Variants in FBXL4 observed in about 807,000 individuals in gnomAD.
The protein encoded by FBXL4 is F-box/LRR-repeat protein 4.
A neutral mutation model predicts 58.9 loss-of-function variants in FBXL4; 40 were observed. That is an observed-to-expected ratio of 0.68 (90% CI 0.53 to 0.88). The LOEUF is 0.88. Ranked by LOEUF, FBXL4 falls within the 40% of genes least tolerant of loss-of-function variation. The probability of loss-of-function intolerance (pLI) is 0.00; values close to 1 mark genes in which losing one functional copy is unlikely to be tolerated. For missense variants in FBXL4, 676 were observed against 734.4 expected (o/e 0.92, Z 0.92); for synonymous variants, 263 against 265.5 (o/e 0.99, Z 0.09).
chr6:98,900,458 A>C (rs1771564102), intron 6 of FBXL4, among the ~76,000 whole-genome samples: 1 of 152,206 alleles, frequency 6.6e-6, no homozygotes, highest in Non-Finnish European at 1.5e-5. Flanking sequence ...TGTGTAAATA[A>C]AAGAAAGTAA....
rs146999462 is a variant in FBXL4 at position 98,917,419 on chromosome 6, G to A, written c.813C>T (p.Leu271=). The change falls in exon 5 of 10, where the codon CTC becomes CTT. Residue 271 remains leucine, a synonymous_variant. Coordinates refer to ENST00000369244, the MANE Select transcript of FBXL4 (RefSeq NM_001278716.2). ...AATACCCATTATTTGGCCCTTCCCC[G>A]AGGACAGCACTGCTAAACTTTTTGT... ...SLNKKFSSAV[L]GEGPNNGYFD... The A allele has an allele frequency of 4.1e-5, 66 of 1,612,268 alleles. No homozygotes were observed. Among genetic ancestry groups the A allele is most frequent in the African/African-American group, 2.0e-4 (15 of 74,816 alleles).
intron 4 of FBXL4, 56 bp downstream of exon 4, chr6:98,926,421 T>A: frequency 6.7e-7 from 1 of 1,491,602 alleles, no homozygotes; most frequent in Non-Finnish European, 9.0e-7. Flanking sequence ...ATCTCCAATA[T>A]TAACAACCAA....
At chr6:98,897,205 G>C (rs1047908231) in intron 7 of FBXL4, 2 of 985,088 alleles carry the variant, frequency 2.0e-6, no homozygotes, top group African/African-American at 3.5e-5. Context: ...TTCGTTTATA[G>C]TACTTAGGCC....
At chr6:98,945,678 C>T (rs1352221874) in intron 1 of FBXL4, among the ~76,000 whole-genome samples, 2 of 152,026 alleles carry the variant, frequency 1.3e-5, no homozygotes, top group African/African-American at 4.8e-5. Context: ...GGATATCTTC[C>T]TCATATCCCA....
chr6:98,892,089 T>G (rs1282686667), intron 7 of FBXL4, among the ~76,000 whole-genome samples: 1 of 152,218 alleles, frequency 6.6e-6, no homozygotes, highest in African/African-American at 2.4e-5. Flanking sequence ...AAATATAGCC[T>G]AGAGACACAT....
intron 7 of FBXL4, chr6:98,898,860 G>T: frequency 2.0e-6 from 2 of 985,148 alleles, no homozygotes; most frequent in South Asian, 4.7e-5. Context: ...ATTAACTATG[G>T]TATTACAAAT....
intron 7 of FBXL4, among the ~76,000 whole-genome samples, chr6:98,885,488 G>A (rs551839708): frequency 6.6e-6 from 1 of 152,248 alleles, no homozygotes; most frequent in South Asian, 2.1e-4. Context: ...TACCTAATGT[G>A]GGTGGGCCTC....
chr6:98,896,797 T>C (rs1435092738), intron 7 of FBXL4: 1 of 974,070 alleles, frequency 1.0e-6, no homozygotes, highest in Non-Finnish European at 1.2e-6. Context: ...TTTAAGTAAC[T>C]GAGGGAAACC....
intron 8 of FBXL4, among the ~76,000 whole-genome samples, chr6:98,878,112 T>C (rs1306215381): frequency 6.6e-6 from 1 of 152,150 alleles, no homozygotes; most frequent in East Asian, 1.9e-4. Context: ...AAGTATGCCA[T>C]GAGGTGAATA....
intron 2 of FBXL4, among the ~76,000 whole-genome samples, chr6:98,932,242 C>T (rs1205095809): frequency 1.3e-5 from 2 of 152,030 alleles, no homozygotes; most frequent in Non-Finnish European, 2.9e-5. Flanking sequence ...TTGCTTAATC[C>T]AATCACTGAT....
At chr6:98,880,016 A>T (rs970803409) in intron 8 of FBXL4, among the ~76,000 whole-genome samples, 2 of 150,236 alleles carry the variant, frequency 1.3e-5, no homozygotes, top group African/African-American at 4.9e-5. Flanking sequence ...CTAGGCTTTT[A>T]TATTTCACAG....
At chr6:98,890,776 G>A (rs770717929) in intron 7 of FBXL4, among the ~76,000 whole-genome samples, 19 of 151,972 alleles carry the variant, frequency 1.3e-4, no homozygotes, top group Non-Finnish European at 1.8e-4. Context: ...AAAATCAGCC[G>A]GGCATGGTGG....
intron 7 of FBXL4, among the ~76,000 whole-genome samples, chr6:98,897,747 A>C (rs1771458150): frequency 6.6e-6 from 1 of 152,228 alleles, no homozygotes; most frequent in South Asian, 2.1e-4. Flanking sequence ...GGAGGCAGAC[A>C]GTACAAAGAG....
intron 4 of FBXL4, among the ~76,000 whole-genome samples, chr6:98,921,212 T>A (rs563112437): frequency 1.3e-5 from 2 of 152,220 alleles, no homozygotes; most frequent in South Asian, 4.2e-4. Flanking sequence ...AACCACTCTA[T>A]GACTGCTGAC....
At chr6:98,941,920 A>G (rs1487320184) in intron 1 of FBXL4, among the ~76,000 whole-genome samples, 1 of 152,152 alleles carries the variant, frequency 6.6e-6, no homozygotes, top group African/African-American at 2.4e-5. Context: ...TGAAATAAGC[A>G]CAAACTAACT....
chr6:98,923,336 G>C (rs552715272), intron 4 of FBXL4, among the ~76,000 whole-genome samples: 23 of 152,148 alleles, frequency 1.5e-4, no homozygotes, highest in Admixed American at 2.0e-4. Context: ...GTCACCTCAA[G>C]ATATTCTTCT....
chr6:98,902,489 A>T (rs2128391242), intron 6 of FBXL4, among the ~76,000 whole-genome samples: 1 of 152,276 alleles, frequency 6.6e-6, no homozygotes, highest in East Asian at 1.9e-4. Flanking sequence ...TAAATATATT[A>T]GTGGGAAATA....
chr6:98,939,824 C>A lies in FBXL4; in HGVS notation c.-308-4945G>T, dbSNP rs181672685. Among the ~76,000 whole-genome samples the A allele has an allele frequency of 4.9e-3, 751 of 152,336 alleles. 6 individuals carry two copies. Among genetic ancestry groups the A allele is most frequent in the Middle Eastern group, 0.017 (5 of 294 alleles). ...AAAATACGTGAGAATCACAAGAAATCACTTCTTACTGTAATACACAATTTA... is the reference window on the plus strand; with the variant it reads ...AAAATACGTGAGAATCACAAGAAATAACTTCTTACTGTAATACACAATTTA... On this transcript the variant is annotated intron_variant, in intron 1 of 9. Coordinates refer to ENST00000369244, the MANE Select transcript of FBXL4 (RefSeq NM_001278716.2).
chr6:98,922,277 G>GTA (rs1382251652), intron 4 of FBXL4, among the ~76,000 whole-genome samples: 3 of 152,154 alleles, frequency 2.0e-5, no homozygotes, highest in African/African-American at 7.2e-5. Context: ...GAGACTTTAA[G>GTA]ATCTGGTAGA....
Sources: allele counts gnomAD v4.1 joint callset (sites outside exome capture counted in the v4.1 genomes callset), GRCh38; gene constraint gnomAD v4.1.1; transcripts MANE v1.5; gene names NCBI Gene and HGNC (gene_info 2026-07-23, HGNC 2026-07-21).